PALD1: variants seen among roughly 807,000 people sequenced by gnomAD.
PALD1 encodes the protein phosphatase domain containing paladin 1.
Under a neutral mutation model 96.0 loss-of-function variants are expected in PALD1, and 57 were observed. That is an observed-to-expected ratio of 0.59 (90% CI 0.48 to 0.74). PALD1 has a LOEUF of 0.74. Ranked by LOEUF, PALD1 falls within the 30% of genes least tolerant of loss-of-function variation. The pLI is 0.00. For missense variants in PALD1, 1,063 were observed against 1,143.7 expected (o/e 0.93, Z 1.02); for synonymous variants, 464 against 473.6 (o/e 0.98, Z 0.26).
chr10:70,529,207 T>TTGGGGGGGGGGGG, intron 2 of PALD1, 22 bp from the exon 3 acceptor site: 1 of 391,778 alleles, frequency 2.6e-6, no homozygotes, highest in Non-Finnish European at 4.6e-6. Context: ...GTTTCCATTC[T>TTGGGGGGGGGGGG]GCCCCCCCCC....
intron 1 of PALD1, among the ~76,000 whole-genome samples, chr10:70,492,912 C>G (rs1413192088): frequency 6.6e-6 from 1 of 152,202 alleles, no homozygotes; most frequent in East Asian, 1.9e-4. Flanking sequence ...TTCATGGAGT[C>G]TGGACTGAGT....
chr10:70,533,108 G>A, intron 7 of PALD1, 38 bp downstream of exon 7: 2 of 1,519,070 alleles, frequency 1.3e-6, no homozygotes, highest in Non-Finnish European at 1.8e-6. Flanking sequence ...GAGGAGTCTT[G>A]AGAGTCGTCC....
At chr10:70,463,355 G>A in the PALD1 span, among the ~76,000 whole-genome samples, 2 of 151,978 alleles carry the variant, frequency 1.3e-5, no homozygotes, top group Non-Finnish European at 2.9e-5. Context: ...AACCGAGATC[G>A]TGCCACTGCA....
intron 18 of PALD1, among the ~76,000 whole-genome samples, chr10:70,559,231 A>T (rs902125122): frequency 6.6e-6 from 1 of 151,934 alleles, no homozygotes; most frequent in African/African-American, 2.4e-5. Flanking sequence ...CTGAAGGAGG[A>T]GCTGTGCTGG....
intron 1 of PALD1, among the ~76,000 whole-genome samples, chr10:70,501,883 C>T (rs1298762414): frequency 6.8e-6 from 1 of 146,398 alleles, no homozygotes; most frequent in Non-Finnish European, 1.5e-5. Context: ...ATACAAGAGG[C>T]CTCCCCCTTT....
intron 1 of PALD1, among the ~76,000 whole-genome samples, chr10:70,487,788 G>A (rs1054880943): frequency 1.3e-5 from 2 of 152,002 alleles, no homozygotes; most frequent in Non-Finnish European, 1.5e-5. Context: ...GGTGAATGTC[G>A]GTAAAAGTCC....
intron 1 of PALD1, among the ~76,000 whole-genome samples, chr10:70,513,645 C>T (rs907832899): frequency 5.3e-5 from 8 of 152,224 alleles, no homozygotes; most frequent in Non-Finnish European, 1.2e-4. Flanking sequence ...ACGCTTCAGC[C>T]TGTATTTCCT....
intron 1 of PALD1, among the ~76,000 whole-genome samples, chr10:70,517,944 C>T (rs924658911): frequency 6.6e-6 from 1 of 151,926 alleles, no homozygotes; most frequent in African/African-American, 2.4e-5. Context: ...ACTCTTGTTG[C>T]CCAGGCTGGA....
intron 1 of PALD1, among the ~76,000 whole-genome samples, chr10:70,486,987 C>G (rs1846024734): frequency 1.3e-5 from 2 of 152,064 alleles, no homozygotes; most frequent in Non-Finnish European, 2.9e-5. Flanking sequence ...AGGGCCCTCC[C>G]TAGAGACGAG....
intron 1 of PALD1, among the ~76,000 whole-genome samples, chr10:70,514,325 C>T (rs1846578194): frequency 1.3e-5 from 2 of 152,254 alleles, no homozygotes; most frequent in South Asian, 2.1e-4. Flanking sequence ...GAGCAAAGGA[C>T]TGCATTTCCA....
Position 70,532,983 on chromosome 10 carries a change from C to T in PALD1, c.795-12C>T. On this transcript the variant is annotated splice_polypyrimidine_tract_variant and intron_variant, in intron 6 of 19. Transcript: ENST00000263563. ...GGTGCCTGCCTGATGGCTGCTCTCCCTCACCTGGCAGGTACCACCGCCTGC... is the reference window on the plus strand; with the variant it reads ...GGTGCCTGCCTGATGGCTGCTCTCCTTCACCTGGCAGGTACCACCGCCTGC... The T allele has an allele frequency of 6.4e-7, 1 of 1,571,770 alleles. No individual in the cohort carries two copies. The highest frequency in any genetic ancestry group is 8.6e-7 in the Non-Finnish European group (1 of 1,158,326).
At chr10:70,470,574 T>A in the PALD1 span, among the ~76,000 whole-genome samples, 15 of 141,958 alleles carry the variant, frequency 1.1e-4, no homozygotes, top group Admixed American at 2.7e-4. Flanking sequence ...ATAAATAATA[T>A]TATTTTTTAT....
chr10:70,526,283 G>A, intron 2 of PALD1, 147 bp downstream of exon 2: 2 of 662,186 alleles, frequency 3.0e-6, no homozygotes, highest in Non-Finnish European at 5.3e-6. Context: ...GGGAGATGAA[G>A]CAGTTCATTG....
chr10:70,534,867 G>A (rs922023578), intron 10 of PALD1, 24 bp downstream of exon 10: 2 of 1,453,320 alleles, frequency 1.4e-6, no homozygotes, highest in Non-Finnish European at 1.9e-6. Flanking sequence ...GGACGTGTGA[G>A]CACTCTGCTT....
chr10:70,524,944 C>CG lies in PALD1; in HGVS notation c.-29-978dup, dbSNP rs1846823036. ...CTGCCGAATCCCCGAGGGTGCCCGG[C>CG]GTTCTTCAAGTGGGGTGGGAGCTGT... On this transcript the variant is annotated intron_variant, in intron 1 of 19. Coordinates refer to ENST00000263563, the MANE Select transcript of PALD1 (RefSeq NM_014431.3). 2.6e-5 allele frequency among the ~76,000 whole-genome samples: 4 copies of CG among 152,250 alleles called. No homozygotes were observed. In the South Asian group the frequency reaches 8.3e-4, roughly 32 times the overall value.
chr10:70,529,790 T>G (rs1846954681), intron 3 of PALD1, 99 bp from the exon 4 acceptor site: 1 of 1,055,706 alleles, frequency 9.5e-7, no homozygotes, highest in Non-Finnish European at 1.4e-6. Context: ...TTGCCCCTAT[T>G]TCCCCCCTCC....
At chr10:70,485,704 C>T (rs2132260310) in intron 1 of PALD1, 1 of 152,554 alleles carries the variant, frequency 6.6e-6, no homozygotes, top group South Asian at 2.1e-4. Context: ...GCCGCCGTGC[C>T]CAGCCACAAA....
chr10:70,530,597 G>T (rs61857078), intron 4 of PALD1, among the ~76,000 whole-genome samples: 1 of 152,140 alleles, frequency 6.6e-6, no homozygotes, highest in African/African-American at 2.4e-5. Flanking sequence ...CTTACCTGTC[G>T]GATGTTGAGG....
chr10:70,545,861 C>T (rs1292956064), intron 17 of PALD1, among the ~76,000 whole-genome samples: 1 of 152,046 alleles, frequency 6.6e-6, no homozygotes, highest in Non-Finnish European at 1.5e-5. Flanking sequence ...CCCCTCCAGC[C>T]CTAGTACGTG....
Sources: gnomAD v4.1 joint callset for allele counts (sites outside exome capture counted in the v4.1 genomes callset) on GRCh38, gnomAD v4.1.1 for gene constraint, MANE v1.5 for transcripts, NCBI Gene and HGNC (gene_info 2026-07-23, HGNC 2026-07-21) for gene names.